COX10: variants seen among roughly 807,000 people sequenced by gnomAD.
COX10 encodes cytochrome c oxidase assembly factor heme A:farnesyltransferase COX10, also known as protoheme IX farnesyltransferase, mitochondrial.
COX10 carries 27 observed loss-of-function variants against 37.3 expected under a neutral mutation model. That is an observed-to-expected ratio of 0.72 (90% CI 0.53 to 1.00). The LOEUF (loss-of-function observed/expected upper bound fraction) is 1.00. Ranked by LOEUF, COX10 falls within the 50% of genes least tolerant of loss-of-function variation. The pLI is 0.00. For missense variants in COX10, 475 were observed against 563.2 expected (o/e 0.84, Z 1.59); for synonymous variants, 222 against 229.1 (o/e 0.97, Z 0.28).
chr17:14,199,894 C>T (rs1906494117), intron 6 of COX10, among the ~76,000 whole-genome samples: 1 of 152,228 alleles, frequency 6.6e-6, no homozygotes, highest in East Asian at 1.9e-4. Context: ...CCAGCTAGCC[C>T]CCAGTCTACA....
intron 4 of COX10, among the ~76,000 whole-genome samples, chr17:14,141,314 C>A (rs1904536652): frequency 6.6e-6 from 1 of 151,758 alleles, no homozygotes; most frequent in Non-Finnish European, 1.5e-5. Context: ...ACGAGGTGGG[C>A]AGATTGCCTG....
intron 4 of COX10, among the ~76,000 whole-genome samples, chr17:14,131,487 A>G (rs951608654): frequency 6.6e-6 from 1 of 152,042 alleles, no homozygotes. Context: ...TCTATAAGAA[A>G]TGAATTTTCT....
Position 14,108,688 on chromosome 17 carries a change from G to A in COX10, c.624+6446G>A, listed in dbSNP as rs1004451733. Among the ~76,000 whole-genome samples, 11 of 152,162 alleles carry A rather than the reference G, an allele frequency of 7.2e-5. No individual in the cohort carries two copies. In the South Asian group the frequency reaches 1.2e-3, roughly 17 times the overall value. On this transcript the variant is annotated intron_variant, in intron 4 of 6. Coordinates refer to ENST00000261643, the MANE Select transcript of COX10 (RefSeq NM_001303.4). ...GGCTGAAATAAGGTAAAAAAAGAAG[G>A]GCTTTGGATAAAGAGCTCTGAATTA...
intron 1 of COX10, among the ~76,000 whole-genome samples, chr17:14,070,663 CT>C (rs1914998975): frequency 6.6e-6 from 1 of 152,190 alleles, no homozygotes; most frequent in African/African-American, 2.4e-5. Flanking sequence ...ATCCCAGAAA[CT>C]TTTTTCACTT....
At chr17:14,130,493 T>C (rs1258776965) in intron 4 of COX10, among the ~76,000 whole-genome samples, 1 of 147,002 alleles carries the variant, frequency 6.8e-6, no homozygotes, top group Non-Finnish European at 1.5e-5. Flanking sequence ...AAATTCTAGC[T>C]CTACTTATTA....
intron 4 of COX10, among the ~76,000 whole-genome samples, chr17:14,122,658 G>T (rs954993462): frequency 3.3e-5 from 5 of 152,096 alleles, no homozygotes; most frequent in African/African-American, 1.2e-4. Context: ...AGAAGTCCTG[G>T]CAGTTGGCGA....
At chr17:14,103,958 C>T (rs1460617866) in intron 4 of COX10, among the ~76,000 whole-genome samples, 4 of 152,110 alleles carry the variant, frequency 2.6e-5, no homozygotes, top group Non-Finnish European at 5.9e-5. Context: ...GCAGTGTCTG[C>T]CTCTTTCCTC....
chr17:14,131,827 A>G (rs1916474150), intron 4 of COX10, among the ~76,000 whole-genome samples: 2 of 152,028 alleles, frequency 1.3e-5, no homozygotes, highest in East Asian at 3.8e-4. Flanking sequence ...ATGCCTGGAA[A>G]GGAATTGTGT....
At chr17:14,197,541 C>T (rs957246804) in intron 6 of COX10, among the ~76,000 whole-genome samples, 4 of 152,182 alleles carry the variant, frequency 2.6e-5, no homozygotes, top group Non-Finnish European at 5.9e-5. Context: ...GGTGTCTGAC[C>T]GGCCCACTTC....
rs728295 is a variant in COX10 at position 14,092,428 on chromosome 17, A to G, written c.500-9690A>G. 2.0e-3 allele frequency among the ~76,000 whole-genome samples: 301 copies of G among 152,252 alleles called. 8 individuals are homozygous for G. In the East Asian group the frequency reaches 0.043, roughly 22 times the overall value. On this transcript the variant is annotated intron_variant, in intron 3 of 6. Transcript: ENST00000261643. ...ATAAGAAAGGAAAACAGGAAGCCCTAATAAATTCTTACCTTTGTGGCTGTG... is the reference window on the plus strand; with the variant it reads ...ATAAGAAAGGAAAACAGGAAGCCCTGATAAATTCTTACCTTTGTGGCTGTG...
chr17:14,128,356 A>G (rs764743711), intron 4 of COX10, among the ~76,000 whole-genome samples: 1 of 152,116 alleles, frequency 6.6e-6, no homozygotes, highest in African/African-American at 2.4e-5. Context: ...AACAATGCTT[A>G]TTTGACAAGA....
rs1906732383 is a variant in COX10 at position 14,207,151 on chromosome 17, C to T, written c.1270C>T (p.Leu424=). Residue 424 remains leucine, a synonymous_variant, in exon 7 of 7, where the codon CTG becomes TTG. Transcript: ENST00000261643. ...CCTGTGGCACCTGCCGCTGCTGCTG[C>T]TGCTCATGCTCACCTGCAAGCGGCC... ...CSLWHLPLLL[L]LMLTCKRPSG... 1 of 1,612,954 alleles carries T rather than the reference C, an allele frequency of 6.2e-7. No homozygotes were observed. The highest frequency in any genetic ancestry group is 8.5e-7 in the Non-Finnish European group (1 of 1,179,762).
intron 4 of COX10, among the ~76,000 whole-genome samples, chr17:14,159,109 G>A (rs550413113): frequency 6.6e-6 from 1 of 152,242 alleles, no homozygotes; most frequent in East Asian, 1.9e-4. Context: ...TATTGTCCAA[G>A]CTAGGATGCT....
intron 5 of COX10, among the ~76,000 whole-genome samples, chr17:14,188,320 A>G (rs1036070240): frequency 6.6e-6 from 1 of 151,404 alleles, no homozygotes; most frequent in Non-Finnish European, 1.5e-5. Flanking sequence ...CTTTCTGGGT[A>G]TATAGGAGAT....
chr17:14,111,020 C>T (rs1034916452), intron 4 of COX10, among the ~76,000 whole-genome samples: 2 of 152,076 alleles, frequency 1.3e-5, no homozygotes, highest in African/African-American at 4.8e-5. Context: ...GACAGTAGAG[C>T]AGATGTTAAT....
chr17:14,191,943 A>G, intron 5 of COX10, 46 bp from the exon 6 acceptor site: 2 of 1,598,280 alleles, frequency 1.3e-6, no homozygotes, highest in Non-Finnish European at 1.7e-6. Context: ...AGTGTGATTG[A>G]GTTGAGTTGG....
intron 6 of COX10, among the ~76,000 whole-genome samples, chr17:14,198,386 A>G (rs760588471): frequency 5.2e-4 from 79 of 151,828 alleles, no homozygotes; most frequent in Middle Eastern, 3.4e-3. Context: ...TCTTTTCATC[A>G]CTCCAATATC....
Position 14,207,057 on chromosome 17 carries a change from C to T in COX10, c.1176C>T (p.Ile392=). 1.2e-6 allele frequency: 2 copies of T among 1,614,086 alleles called. No homozygotes were observed. The highest frequency in any genetic ancestry group is 1.7e-6 in the Non-Finnish European group (2 of 1,179,942). Reference sequence around the variant, plus strand: ...TGGCCCTTCCCATCAATGCGTACATCTCCTACCTCGGCTTCCGCTTCTACG... The same window carrying T: ...TGGCCCTTCCCATCAATGCGTACATTTCCTACCTCGGCTTCCGCTTCTACG... The part of the protein sequence containing the change: ...PIMALPINAY[I]SYLGFRFYVD... Residue 392 remains isoleucine, a synonymous_variant, in exon 7 of 7, where the codon ATC becomes ATT. Transcript: ENST00000261643.
chr17:14,133,030 G>A (rs2142220629), intron 4 of COX10, among the ~76,000 whole-genome samples: 1 of 151,712 alleles, frequency 6.6e-6, no homozygotes. Context: ...TTGTAACATG[G>A]TAACACTTAC....
Sources: gnomAD v4.1 joint callset for allele counts (sites outside exome capture counted in the v4.1 genomes callset) on GRCh38, gnomAD v4.1.1 for gene constraint, MANE v1.5 for transcripts, NCBI Gene and HGNC (gene_info 2026-07-23, HGNC 2026-07-21) for gene names.